The following CERS5 variants were observed in gnomAD, a reference collection of about 807,000 sequenced individuals.
The protein encoded by CERS5 is ceramide synthase 5, also known as LAG1 homolog, ceramide synthase 5.
A neutral mutation model predicts 58.9 loss-of-function variants in CERS5; 37 were observed. The ratio of observed to expected loss-of-function variants is 0.63; its 90% CI spans 0.48 to 0.83. The LOEUF (loss-of-function observed/expected upper bound fraction) is 0.83, where lower values mean the gene tolerates loss of function less well. Among genes scored for constraint, CERS5 ranks in the 40% least tolerant of loss-of-function variants. CERS5 has a pLI of 0.00. For synonymous variants in CERS5, 147 were observed against 177.8 expected (o/e 0.83, Z 1.38); for missense variants, 398 against 489.3 (o/e 0.81, Z 1.76).
At chr12:50,155,394 T>G (rs1318661342) in intron 1 of CERS5, among the ~76,000 whole-genome samples, 1 of 151,840 alleles carries the variant, frequency 6.6e-6, no homozygotes. Flanking sequence ...CAACATTTCT[T>G]GCATGGTCTG....
intron 3 of CERS5, 28 bp from the exon 4 acceptor site, chr12:50,142,138 CA>C (rs1952005345): frequency 6.7e-7 from 1 of 1,484,342 alleles, no homozygotes; most frequent in Admixed American, 1.8e-5. Context: ...AAAGGTTAGA[CA>C]AATGTCCACT....
In CERS5 at chr12:50,135,720, C is replaced by T. The variant is rs747217327; in HGVS notation, c.872+12G>A. On this transcript the variant is annotated intron_variant, in intron 8 of 9. Transcript: ENST00000317551. ...CTCATACCTACCACAACTCTACAGC[C>T]CTACCACTTACCAGAATGGATAGAT... 5.7e-6 allele frequency: 9 copies of T among 1,572,750 alleles called. No homozygotes were observed. The South Asian group carries it at 7.8e-5, about 14-fold the overall frequency.
intron 1 of CERS5, chr12:50,165,490 C>A (rs1156905159): frequency 6.6e-6 from 1 of 151,706 alleles, no homozygotes; most frequent in Non-Finnish European, 1.5e-5. Context: ...CCAAGGAAAG[C>A]CATTTAGATC....
rs1951763510 is a variant in CERS5, at chr12:50,137,764, G to C, written c.600C>G (p.Ser200=). ...YYIMELAFYW[S]LMFSQFTDIK... ...TGTCTGTAAACTGAGAAAACATAAGGGACCAATAGAAGGCCAATTCCATGA... is the reference window on the plus strand; with the variant it reads ...TGTCTGTAAACTGAGAAAACATAAGCGACCAATAGAAGGCCAATTCCATGA... The change falls in exon 6 of 10, where the codon TCC becomes TCG. Residue 200 remains serine, a synonymous_variant. Coordinates refer to ENST00000317551, the MANE Select transcript of CERS5 (RefSeq NM_147190.5). The C allele has an allele frequency of 6.2e-7, 1 of 1,609,982 alleles. No homozygotes were observed. Among genetic ancestry groups the C allele is most frequent in the Non-Finnish European group, 8.5e-7 (1 of 1,176,952 alleles).
Position 50,167,096 on chromosome 12 carries a change from C to T in CERS5, c.197+5G>A, listed in dbSNP as rs774246001. The T allele has an allele frequency of 6.5e-7, 1 of 1,531,018 alleles. No homozygotes were observed. The highest frequency in any genetic ancestry group is 1.2e-5 in the South Asian group (1 of 84,140). 94.8% of individuals were successfully genotyped at this position (1,531,018 alleles called of 1,614,324 possible). ...CCCCCGAGCCGCTCGCTCCCGGGCT[C>T]TCACCGCTCGAAGAGCAGCCTCACG... On this transcript the variant is annotated splice_donor_5th_base_variant and intron_variant, in intron 1 of 9. Transcript: ENST00000317551.
At chr12:50,133,378 A>G (rs1951442916) in intron 9 of CERS5, 1 of 1,053,588 alleles carries the variant, frequency 9.5e-7, no homozygotes, top group Admixed American at 4.7e-5. Context: ...CGCTCTTGGC[A>G]TAAGATGGGT....
chr12:50,166,103 A>C, intron 1 of CERS5: 1 of 321,230 alleles, frequency 3.1e-6, no homozygotes, highest in Admixed American at 4.1e-5. Context: ...CGGGCGGATC[A>C]CTTGAGGTCA....
chr12:50,133,235 T>C, intron 9 of CERS5: 1 of 1,095,216 alleles, frequency 9.1e-7, no homozygotes, highest in Non-Finnish European at 1.1e-6. Flanking sequence ...CAGTACCTGC[T>C]CAAGCAGAGC....
At chr12:50,155,809 T>C (rs191952988) in intron 1 of CERS5, among the ~76,000 whole-genome samples, 1 of 104,004 alleles carries the variant, frequency 9.6e-6, no homozygotes, top group Non-Finnish European at 2.0e-5. Context: ...ACAAAAAATA[T>C]AACAATTAGT....
rs566387773 is a variant in CERS5, at chr12:50,144,979, C to CA, written c.198-923dup. 4.0e-3 allele frequency: 1,224 copies of CA among 306,634 alleles called. 11 individuals carry two copies. Among genetic ancestry groups the CA allele is most frequent in the African/African-American group, 0.022 (969 of 44,820 alleles). The allele number at this position is 306,634 out of a possible 1,614,324, so 19.0% of individuals were successfully genotyped here. A position where few individuals can be genotyped will look rare whatever the true frequency, so the allele number is the denominator to read the frequency against. ...TGAAACCCCGTCTCTACTAAAAATA[C>CA]AAAAAAAAATTATCTGGGCGTGGTG... On this transcript the variant is annotated intron_variant, in intron 1 of 9. Transcript: ENST00000317551.
Position 50,133,285 on chromosome 12 carries a change from C to T in CERS5, c.1029+1261G>A, listed in dbSNP as rs1190775793. On this transcript the variant is annotated intron_variant, in intron 9 of 9. Transcript: ENST00000317551. Reference sequence around the variant, plus strand: ...ATTCTGTATTCCTTTAGGCTGAAATCCCTAGCCCTTTGACTACAGTCTGAC... The same window carrying T: ...ATTCTGTATTCCTTTAGGCTGAAATTCCTAGCCCTTTGACTACAGTCTGAC... 2.8e-6 allele frequency: 3 copies of T among 1,086,884 alleles called. No homozygotes were observed. The African/African-American group carries it at 4.9e-5, about 18-fold the overall frequency. The allele number at this position is 1,086,884 out of a possible 1,614,324, so 67.3% of individuals were successfully genotyped here.
chr12:50,141,185 G>A (rs1951954162), intron 4 of CERS5, among the ~76,000 whole-genome samples: 2 of 152,168 alleles, frequency 1.3e-5, no homozygotes, highest in South Asian at 4.1e-4. Context: ...TGAGTAGCTG[G>A]GACTACAGGT....
chr12:50,159,122 C>G (rs952277980), intron 1 of CERS5, among the ~76,000 whole-genome samples: 1 of 152,046 alleles, frequency 6.6e-6, no homozygotes, highest in Non-Finnish European at 1.5e-5. Flanking sequence ...GAGATAGAGA[C>G]CATCCTGGCT....
intron 1 of CERS5, among the ~76,000 whole-genome samples, chr12:50,148,817 A>C (rs1952455724): frequency 6.7e-6 from 1 of 149,378 alleles, no homozygotes; most frequent in Non-Finnish European, 1.5e-5. Flanking sequence ...AGGCAGGAGA[A>C]TTGCTTGAAC....
In CERS5 at chr12:50,130,559, A is replaced by C; in HGVS notation, c.1165T>G (p.Trp389Gly). The change falls in exon 10 of 10, where the codon TGG becomes GGG. Residue 389 changes from tryptophan to glycine, a missense_variant. Physicochemically the swap from Trp to Gly is radical, Grantham distance 184. Around this residue, in one of 3 missense-constraint regions of CERS5, gnomAD observed 47 missense variants for 50.2 expected, o/e 0.94. Transcript: ENST00000317551. ...RVNGHMGGSY[W>G]AEE ...TAGCAACCACCTTACTCTTCAGCCCAGTAGCTGCCTCCCATGTGACCATTC... is the reference window on the plus strand; with the variant it reads ...TAGCAACCACCTTACTCTTCAGCCCCGTAGCTGCCTCCCATGTGACCATTC... 1 of 1,607,408 alleles carries C rather than the reference A, an allele frequency of 6.2e-7. No homozygotes were observed. The highest frequency in any genetic ancestry group is 8.5e-7 in the Non-Finnish European group (1 of 1,174,450).
chr12:50,163,343 C>T (rs1381769836), intron 1 of CERS5, among the ~76,000 whole-genome samples: 6 of 151,960 alleles, frequency 3.9e-5, no homozygotes, highest in Non-Finnish European at 5.9e-5. Flanking sequence ...GGATTACAGG[C>T]GCCCGCCACT....
chr12:50,153,011 A>T (rs577979679), intron 1 of CERS5, among the ~76,000 whole-genome samples: 6 of 152,138 alleles, frequency 3.9e-5, no homozygotes, highest in Non-Finnish European at 5.9e-5. Flanking sequence ...CAGAGGTTGT[A>T]GTGAGCTGAG....
chr12:50,165,440 A>AG (rs1939774847), intron 1 of CERS5: 1 of 85,372 alleles, frequency 1.2e-5, no homozygotes, highest in Middle Eastern at 5.3e-3. Flanking sequence ...AAAAAGAAAA[A>AG]GAAAAAAAAA....
chr12:50,149,741 T>C (rs929106496), intron 1 of CERS5, among the ~76,000 whole-genome samples: 1 of 152,160 alleles, frequency 6.6e-6, no homozygotes. Context: ...ATGTTATTTA[T>C]GTATTTATTT....
Sources: allele counts gnomAD v4.1 joint callset (sites outside exome capture counted in the v4.1 genomes callset), GRCh38; gene constraint gnomAD v4.1.1; regional missense constraint gnomAD v4.1.1; transcripts MANE v1.5; gene names NCBI Gene and HGNC (gene_info 2026-07-23, HGNC 2026-07-21).